PTPRD: variants seen among roughly 807,000 people sequenced by gnomAD.
PTPRD encodes the protein receptor-type tyrosine-protein phosphatase delta.
Under a neutral mutation model 214.5 loss-of-function variants are expected in PTPRD, and 34 were observed. The ratio of observed to expected loss-of-function variants is 0.16; its 90% CI spans 0.12 to 0.21. PTPRD has a LOEUF of 0.21. Ranked by LOEUF, PTPRD falls within the 10% of genes least tolerant of loss-of-function variation. The pLI is 1.00. For synonymous variants in PTPRD, 1,128 were observed against 845.7 expected, an observed-to-expected ratio of 1.33 and a Z score of -5.79; for missense variants, 2,545 against 2,398.7, an observed-to-expected ratio of 1.06 and a Z score of -1.27.
intron 10 of PTPRD, among the ~76,000 whole-genome samples, chr9:9,157,247 C>T (rs1396765517): frequency 6.6e-6 from 1 of 151,624 alleles, no homozygotes; most frequent in Non-Finnish European, 1.5e-5. Flanking sequence ...CAAACCAAAC[C>T]AAAGTTAGCA....
intron 3 of PTPRD, among the ~76,000 whole-genome samples, chr9:10,094,552 T>C (rs1377361741): frequency 1.3e-5 from 2 of 149,826 alleles, no homozygotes; most frequent in African/African-American, 2.4e-5. Context: ...TTTTTTTTTT[T>C]TTTCTGAAAT....
At chr9:10,063,636 G>A (rs974998811) in intron 3 of PTPRD, among the ~76,000 whole-genome samples, 10 of 151,970 alleles carry the variant, frequency 6.6e-5, no homozygotes, top group African/African-American at 2.4e-4. Flanking sequence ...ACACATTAGT[G>A]TCATATGTAC....
At chr9:10,276,010 T>C (rs568851779) in intron 3 of PTPRD, among the ~76,000 whole-genome samples, 1 of 152,318 alleles carries the variant, frequency 6.6e-6, no homozygotes, top group South Asian at 2.1e-4. Context: ...AATTTTCAGG[T>C]ATCTTGTCCC....
intron 9 of PTPRD, among the ~76,000 whole-genome samples, chr9:9,389,960 A>C (rs1408244995): frequency 6.6e-6 from 1 of 152,188 alleles, no homozygotes; most frequent in African/African-American, 2.4e-5. Flanking sequence ...AGTGCTCTGG[A>C]GGCAATGGAA....
At chr9:8,806,275 T>C (rs2096679110) in intron 11 of PTPRD, among the ~76,000 whole-genome samples, 1 of 151,416 alleles carries the variant, frequency 6.6e-6, no homozygotes, top group East Asian at 2.0e-4. Flanking sequence ...TTTAAGGAGC[T>C]AACTTAATGT....
At chr9:9,348,982 G>C (rs1220014677) in intron 9 of PTPRD, among the ~76,000 whole-genome samples, 2 of 151,920 alleles carry the variant, frequency 1.3e-5, no homozygotes, top group Non-Finnish European at 2.9e-5. Context: ...GAGGTTATTG[G>C]TATCTATGTA....
chr9:9,979,350 A>G (rs2154063141), intron 4 of PTPRD, among the ~76,000 whole-genome samples: 1 of 152,052 alleles, frequency 6.6e-6, no homozygotes, highest in East Asian at 1.9e-4. Context: ...CCCAATAATA[A>G]TTTCAGTAAG....
intron 4 of PTPRD, among the ~76,000 whole-genome samples, chr9:10,020,292 A>G (rs34528859): frequency 0.011 from 1,649 of 152,212 alleles, 17 homozygotes; most frequent in Non-Finnish European, 0.017. Flanking sequence ...TCAATACAAT[A>G]TTAGTTTCTT....
intron 4 of PTPRD, among the ~76,000 whole-genome samples, chr9:9,944,872 A>C (rs2092318675): frequency 6.6e-6 from 1 of 152,138 alleles, no homozygotes; most frequent in African/African-American, 2.4e-5. Flanking sequence ...AAAGCAGAGA[A>C]GGTCCAGTTT....
At chr9:8,865,295 G>T (rs1433454831) in intron 11 of PTPRD, among the ~76,000 whole-genome samples, 1 of 152,076 alleles carries the variant, frequency 6.6e-6, no homozygotes, top group Non-Finnish European at 1.5e-5. Flanking sequence ...ATTTCTACTT[G>T]GTGTACATAC....
At chr9:10,403,719 G>A (rs1407411526) in intron 2 of PTPRD, among the ~76,000 whole-genome samples, 2 of 151,600 alleles carry the variant, frequency 1.3e-5, no homozygotes, top group South Asian at 2.1e-4. Flanking sequence ...AAAATTAAAT[G>A]CATAATACTA....
At position 9,722,940 on chromosome 9, in the gene PTPRD, G is replaced by C. The variant is rs139949736; in HGVS notation, c.-287+11593C>G. ...CTCTTTATATATTTTAGATGCTAAT[G>C]TCTTATTGGATATATGATTTCACAA... On this transcript the variant is annotated intron_variant, in intron 7 of 45. Coordinates refer to ENST00000381196, the MANE Select transcript of PTPRD (RefSeq NM_002839.4). 1.7e-3 allele frequency among the ~76,000 whole-genome samples: 252 copies of C among 152,100 alleles called. 1 individual carries two copies. The highest frequency in any genetic ancestry group is 5.7e-3 in the African/African-American group (235 of 41,538).
intron 11 of PTPRD, among the ~76,000 whole-genome samples, chr9:8,880,044 T>C (rs574802721): frequency 6.6e-6 from 1 of 152,272 alleles, no homozygotes; most frequent in Non-Finnish European, 1.5e-5. Context: ...CAGAAAAACA[T>C]ACATCCTATG....
At chr9:9,727,708 G>A (rs2098119055) in intron 7 of PTPRD, among the ~76,000 whole-genome samples, 1 of 152,128 alleles carries the variant, frequency 6.6e-6, no homozygotes, top group Non-Finnish European at 1.5e-5. Flanking sequence ...AACACTGGTA[G>A]TCCTTCTGAA....
chr9:9,143,068 C>T (rs578236712), intron 10 of PTPRD, among the ~76,000 whole-genome samples: 5 of 152,144 alleles, frequency 3.3e-5, no homozygotes, highest in Non-Finnish European at 5.9e-5. Context: ...TCCTCTCACC[C>T]GTCTGGATGG....
chr9:10,060,869 TTTC>T (rs2097758705), intron 3 of PTPRD, among the ~76,000 whole-genome samples: 1 of 83,462 alleles, frequency 1.2e-5, no homozygotes, highest in Non-Finnish European at 2.0e-5. Flanking sequence ...TCCTTCCTTC[TTTC>T]CTTCCTTCCT....
chr9:8,636,647 G>C (rs1490418751), intron 13 of PTPRD, 52 bp downstream of exon 13: 8 of 1,597,948 alleles, frequency 5.0e-6, no homozygotes, highest in Non-Finnish European at 6.9e-6. Flanking sequence ...AGAAACCAAA[G>C]ACAGAGCAGA....
intron 10 of PTPRD, among the ~76,000 whole-genome samples, chr9:9,174,423 T>C (rs1487641019): frequency 6.6e-6 from 1 of 152,204 alleles, no homozygotes; most frequent in East Asian, 1.9e-4. Flanking sequence ...TTAATCAAGG[T>C]AAATCATTTA....
chr9:9,183,119 A>G (rs539922290), intron 10 of PTPRD, among the ~76,000 whole-genome samples, 185 bp downstream of exon 10: 1 of 152,188 alleles, frequency 6.6e-6, no homozygotes, highest in East Asian at 1.9e-4. Flanking sequence ...TGTCATTAAT[A>G]CATTATAAAG....
Sources: gnomAD v4.1 joint callset for allele counts (sites outside exome capture counted in the v4.1 genomes callset) on GRCh38, gnomAD v4.1.1 for gene constraint, MANE v1.5 for transcripts, NCBI Gene and HGNC (gene_info 2026-07-23, HGNC 2026-07-21) for gene names.